PLXNB1: variants seen among roughly 807,000 people sequenced by gnomAD.
PLXNB1 encodes the protein plexin-B1.
Under a neutral mutation model 209.4 loss-of-function variants are expected in PLXNB1, and 106 were observed. The ratio of observed to expected loss-of-function variants is 0.51; its 90% confidence interval spans 0.43 to 0.59. PLXNB1 has a LOEUF of 0.59. PLXNB1 is among the 20% of genes least tolerant of loss of function. PLXNB1 has a pLI of 0.00. For missense variants in PLXNB1, 2,357 were observed against 2,853.2 expected, an observed-to-expected ratio of 0.83 and a Z score of 3.96; for synonymous variants, 1,167 against 1,183.2, an observed-to-expected ratio of 0.99 and a Z score of 0.28.
Position 48,429,817 on chromosome 3 carries a change from C to A in PLXNB1, c.-60+191G>T, listed in dbSNP as rs1370440905. Among the ~76,000 whole-genome samples, 1 of 151,870 alleles carries A rather than the reference C, an allele frequency of 6.6e-6. No individual in the cohort carries two copies. Among genetic ancestry groups the A allele is most frequent in the Non-Finnish European group, 1.5e-5 (1 of 67,834 alleles). On this transcript the variant is annotated intron_variant, in intron 1 of 37. Transcript: ENST00000296440. This position sits in a 1 kb window ranked among gnomAD's most constrained non-coding sequence, Gnocchi z 6.4. Reference sequence around the variant, plus strand: ...GTTGCCAGGAGCCGAGGCGGGGGGTCGCGCTCCGCACCCGCAGGTGCTGGT... The same window carrying A: ...GTTGCCAGGAGCCGAGGCGGGGGGTAGCGCTCCGCACCCGCAGGTGCTGGT...
Position 48,422,203 on chromosome 3 carries a change from A to C in PLXNB1, c.1422T>G (p.Leu474=), listed in dbSNP as rs756749209. 6.2e-7 allele frequency: 1 copy of C among 1,613,930 alleles called. No homozygotes were observed. Among genetic ancestry groups the C allele is most frequent in the South Asian group, 1.1e-5 (1 of 91,078 alleles). Residue 474 remains leucine (L), a splice_region_variant and synonymous_variant, in exon 6 of 38, where the codon CTT becomes CTG. Coordinates refer to ENST00000296440, the MANE Select transcript of PLXNB1 (RefSeq NM_001130082.3). ...EHLYVMTQST[L]LKVPVASCAQ... ...CACAGGAAGCCACAGGAACCTTCAG[A>C]AGCTGAGACAGCAAAGAGGACCTGA...
chr3:48,411,976 G>C lies in PLXNB1; in HGVS notation c.5134C>G (p.Arg1712Gly). ...TTATCCACTTGGTGCTTAATCCCTC[G>C]AAAGAGCATGTACAGAGGCTCCCCT... ...SVGEPLYMLF[R>G]GIKHQVDKGP... The change falls in exon 28 of 38, where the codon CGA (arginine) becomes GGA (glycine). Residue 1712 changes from arginine to glycine, a missense_variant. Physicochemically the swap from Arg to Gly is moderately radical, Grantham distance 125. Coordinates refer to ENST00000296440, the MANE Select transcript of PLXNB1 (RefSeq NM_001130082.3). This position sits in a 1 kb window ranked among gnomAD's most constrained non-coding sequence, Gnocchi z 4.0. The C allele has an allele frequency of 6.2e-7, 1 of 1,614,112 alleles. No individual in the cohort carries two copies. Among genetic ancestry groups the C allele is most frequent in the Non-Finnish European group, 8.5e-7 (1 of 1,180,018 alleles).
chr3:48,420,235 G>C lies in PLXNB1; in HGVS notation c.2051C>G (p.Pro684Arg). 1 of 1,548,656 alleles carries C rather than the reference G, an allele frequency of 6.5e-7. No individual in the cohort carries two copies. Among genetic ancestry groups the C allele is most frequent in the Non-Finnish European group, 8.7e-7 (1 of 1,146,290 alleles). Residue 684 changes from proline (P) to arginine (R), a missense_variant, in exon 11 of 38, where the codon CCT (proline) becomes CGT (arginine). This residue lies in a region of PLXNB1 where 214 missense variants were observed against 297.1 expected (regional missense o/e 0.72). Transcript: ENST00000296440. ...GGGGCTGGGTCCACCTCTTGCAGGA[G>C]GGTCTGGGGAGACAAGCGGGCTCTG... ...SHQSPLVSPD[P>R]PARGGPSPSP...
chr3:48,412,408 C>T, intron 26 of PLXNB1, 34 bp downstream of exon 26: 1 of 1,611,900 alleles, frequency 6.2e-7, no homozygotes. Flanking sequence ...CTCCAGCTGT[C>T]CAGGGCCCAC....
intron 21 of PLXNB1, 137 bp from the exon 22 acceptor site, chr3:48,414,208 C>T (rs550352910): frequency 4.1e-6 from 3 of 739,602 alleles, no homozygotes; most frequent in East Asian, 2.6e-5. Flanking sequence ...GAGTGCAGGC[C>T]AGTCACACGG....
Position 48,404,191 on chromosome 3 carries a change from G to A in PLXNB1, c.*295C>T, listed in dbSNP as rs564822921. On this transcript the variant is annotated 3_prime_UTR_variant, in exon 38 of 38. Transcript: ENST00000296440. ...ACAGTACAGTCTCCCCAGGGGCCTG[G>A]AGTCTCTTCCAGCCACTCTCTGGAA... The A allele has an allele frequency of 2.5e-6, 1 of 397,594 alleles. No individual in the cohort carries two copies. Among genetic ancestry groups the A allele is most frequent in the African/African-American group, 2.0e-5 (1 of 49,438 alleles). 24.6% of individuals were successfully genotyped at this position (397,594 alleles called of 1,614,324 possible). A position where few individuals can be genotyped will look rare whatever the true frequency, so the allele number is the denominator to read the frequency against.
chr3:48,421,063 A>G, intron 8 of PLXNB1, 107 bp from the exon 9 acceptor site: 3 of 1,262,158 alleles, frequency 2.4e-6, no homozygotes, highest in Admixed American at 3.5e-5. Context: ...GGATGAGGGA[A>G]TACAGTCCAA....
Position 48,415,252 on chromosome 3 carries a change from C to T in PLXNB1, c.3890G>A (p.Ser1297Asn), listed in dbSNP as rs2038000748. ...GCGACGCCTCCGTCCAAGCCCCTGG[C>T]TGGGCTGCAGCATTCTCGAGACCAC... ...VTVVSRMLQP[S>N]QGLGRRRRVV... Residue 1297 changes from serine to asparagine, a missense_variant, in exon 20 of 38, where the codon AGC becomes AAC. This residue lies in a region of PLXNB1 where 743 missense variants were observed against 896.2 expected (regional missense o/e 0.83). Transcript: ENST00000296440. The surrounding 1 kb of genome is among the most constrained non-coding windows in gnomAD (Gnocchi z 5.0). 1.9e-6 allele frequency: 3 copies of T among 1,613,460 alleles called. No homozygotes were observed. Among genetic ancestry groups the T allele is most frequent in the South Asian group, 1.1e-5 (1 of 91,088 alleles).
chr3:48,406,990 A>G lies in PLXNB1; in HGVS notation c.6152+37T>C, dbSNP rs948803298. ...CCCACCCCCCAAGCCTCAGCTGCAC[A>G]CGCCCTCCAACCTCTACCCACCGTG... On this transcript the variant is annotated intron_variant, in intron 35 of 37. Coordinates refer to ENST00000296440, the MANE Select transcript of PLXNB1 (RefSeq NM_001130082.3). The surrounding 1 kb of genome is among the most constrained non-coding windows in gnomAD (Gnocchi z 4.4). 6.2e-7 allele frequency: 1 copy of G among 1,610,986 alleles called. No homozygotes were observed. Among genetic ancestry groups the G allele is most frequent in the African/African-American group, 1.3e-5 (1 of 74,864 alleles).
rs753167669 is a variant in PLXNB1, at chr3:48,422,394, T to C, written c.1356A>G (p.Ala452=). ...CATCAAAGGTGAGGTCTCTGCTCACTGCAGACCCCTGCTGGATGCTCTGTG... is the reference window on the plus strand; with the variant it reads ...CATCAAAGGTGAGGTCTCTGCTCACCGCAGACCCCTGCTGGATGCTCTGTG... ...YSTQSIQQGS[A]VSRDLTFDGT... is the part of the protein sequence containing the mutation. The change falls in exon 5 of 38, where the codon GCA becomes GCG. Residue 452 remains alanine (A), a synonymous_variant. Transcript: ENST00000296440. The C allele has an allele frequency of 6.2e-7, 1 of 1,605,876 alleles. No homozygotes were observed. The highest frequency in any genetic ancestry group is 1.1e-5 in the South Asian group (1 of 89,532).
rs927510803 is a variant in PLXNB1 at position 48,415,221 on chromosome 3, G to A, written c.3921C>T (p.Val1307=). ...SQGLGRRRRV[V]PETACSLGPS... is the part of the protein sequence containing the mutation. ...GTCCAAGGGAACATGCCGTCTCCGG[G>A]ACCACGCGACGCCTCCGTCCAAGCC... The change falls in exon 20 of 38, where the codon GTC becomes GTT. Residue 1307 remains valine (V), a synonymous_variant. Coordinates refer to ENST00000296440, the MANE Select transcript of PLXNB1 (RefSeq NM_001130082.3). This position sits in a 1 kb window ranked among gnomAD's most constrained non-coding sequence, Gnocchi z 5.0. 17 of 1,613,350 alleles carry A rather than the reference G, an allele frequency of 1.1e-5. No homozygotes were observed. The highest frequency in any genetic ancestry group is 1.4e-5 in the Non-Finnish European group (16 of 1,180,018).
In PLXNB1 at chr3:48,416,113, G is replaced by A. The variant is rs200621802; in HGVS notation, c.3535C>T (p.Arg1179Cys). 6.9e-6 allele frequency: 11 copies of A among 1,599,386 alleles called. No homozygotes were observed. Among genetic ancestry groups the A allele is most frequent in the South Asian group, 6.8e-5 (6 of 88,752 alleles). Reference protein sequence around the residue: ...PARGPRAGGTRLTLNGSKLLT... With the variant: ...PARGPRAGGTCLTLNGSKLLT... ...AGCTTGGAGCCATTCAGGGTGAGAC[G>A]GGTGCCCCCAGCTCTGGGGCCGCGG... is the stretch of plus-strand genomic sequence containing the variant. Residue 1179 changes from arginine to cysteine, a missense_variant, in exon 18 of 38, where the codon CGT becomes TGT. Arg to Cys is a radical substitution (Grantham distance 180). This residue lies in a region of PLXNB1 where 743 missense variants were observed against 896.2 expected (regional missense o/e 0.83). Transcript: ENST00000296440. This position sits in a 1 kb window ranked among gnomAD's most constrained non-coding sequence, Gnocchi z 4.1.
At chr3:48,422,683 G>A (rs543261046) in intron 4 of PLXNB1, 82 bp downstream of exon 4, 1 of 1,459,810 alleles carries the variant, frequency 6.9e-7, no homozygotes, top group Non-Finnish European at 9.4e-7. Flanking sequence ...GGGTCACAGG[G>A]ATAGCTTAAA....
intron 27 of PLXNB1, 67 bp from the exon 28 acceptor site, chr3:48,412,076 TGGGGAAG>T (rs1383673054): frequency 4.5e-6 from 7 of 1,569,950 alleles, no homozygotes; most frequent in Non-Finnish European, 6.1e-6. Context: ...TGACGCACAC[TGGGGAAG>T]GGGACAGGAC....
chr3:48,424,542 G>C lies in PLXNB1; in HGVS notation c.70C>G (p.Pro24Ala). Residue 24 changes from proline to alanine, a missense_variant, in exon 3 of 38, where the codon CCA (proline) becomes GCA (alanine). Coordinates refer to ENST00000296440, the MANE Select transcript of PLXNB1 (RefSeq NM_001130082.3). ...CCATTGGGAGTGAATGCAGTTGGTGGAAGGGGCTGGAGGGTGAGGACCCAC... is the reference window on the plus strand; with the variant it reads ...CCATTGGGAGTGAATGCAGTTGGTGCAAGGGGCTGGAGGGTGAGGACCCAC... ...AGWVLTLQPL[P>A]PTAFTPNGTY... 1 of 1,578,400 alleles carries C rather than the reference G, an allele frequency of 6.3e-7. No individual in the cohort carries two copies. Among genetic ancestry groups the C allele is most frequent in the Non-Finnish European group, 8.6e-7 (1 of 1,163,398 alleles).
At chr3:48,428,555 G>C (rs2039013698) in intron 1 of PLXNB1, among the ~76,000 whole-genome samples, 1 of 152,200 alleles carries the variant, frequency 6.6e-6, no homozygotes, top group Non-Finnish European at 1.5e-5. Flanking sequence ...CACCTGCAGA[G>C]GGGCCATAGG....
At position 48,405,403 on chromosome 3, in the gene PLXNB1, C is replaced by T. The variant is rs902840002; in HGVS notation, c.6303+321G>A. Among the ~76,000 whole-genome samples the T allele has an allele frequency of 1.3e-5, 2 of 152,162 alleles. No homozygotes were observed. The highest frequency in any genetic ancestry group is 4.8e-5 in the African/African-American group (2 of 41,440). ...GCCAGGCCTGCACTTGCATGTTGGC[C>T]GTGCCCAACATGCTGCCAACTCAGC... On this transcript the variant is annotated intron_variant, in intron 37 of 37. Coordinates refer to ENST00000296440, the MANE Select transcript of PLXNB1 (RefSeq NM_001130082.3). The surrounding 1 kb of genome is among the most constrained non-coding windows in gnomAD (Gnocchi z 5.0).
At position 48,422,096 on chromosome 3, in the gene PLXNB1, A is replaced by G. The variant is rs773956385; in HGVS notation, c.1520+9T>C. 6.2e-7 allele frequency: 1 copy of G among 1,611,468 alleles called. No individual in the cohort carries two copies. The highest frequency in any genetic ancestry group is 8.5e-7 in the Non-Finnish European group (1 of 1,177,736). On this transcript the variant is annotated intron_variant, in intron 6 of 37. Transcript: ENST00000296440. ...GAGGCTGGGGCTGGGATGGGGTCAG[A>G]AATCTGACCTGCCAAGGAGCACGCA... is the stretch of plus-strand genomic sequence containing the variant.
In PLXNB1 at chr3:48,418,455, G is replaced by A. The variant is rs1421130997; in HGVS notation, c.3043C>T (p.Leu1015=). ...CAGCCCGCAGGTGGCTCACCATGCAGCCCCTCAGCACTGTCCACACGCAGA... is the reference window on the plus strand; with the variant it reads ...CAGCCCGCAGGTGGCTCACCATGCAACCCCTCAGCACTGTCCACACGCAGA... ...GRLRVDSAEG[L]HVVLYDCSVG... Residue 1015 remains leucine, a synonymous_variant, in exon 14 of 38, where the codon CTG becomes TTG. Coordinates refer to ENST00000296440, the MANE Select transcript of PLXNB1 (RefSeq NM_001130082.3). This position sits in a 1 kb window ranked among gnomAD's most constrained non-coding sequence, Gnocchi z 6.6. 3 of 1,613,060 alleles carry A rather than the reference G, an allele frequency of 1.9e-6. No homozygotes were observed. Among genetic ancestry groups the A allele is most frequent in the Non-Finnish European group, 2.5e-6 (3 of 1,179,830 alleles).
Sources: gnomAD v4.1 joint callset for allele counts (sites outside exome capture counted in the v4.1 genomes callset) on GRCh38, gnomAD v4.1.1 for gene constraint, gnomAD v4.1.1 regional missense constraint, Gnocchi (gnomAD v3.1) non-coding constraint, MANE v1.5 for transcripts, NCBI Gene and HGNC (gene_info 2026-07-23, HGNC 2026-07-21) for gene names.